CNR1: variants seen among roughly 807,000 people sequenced by gnomAD.
CNR1 encodes cannabinoid receptor 1, also known as cannabinoid receptor 1 (brain).
Under a neutral mutation model 23.0 loss-of-function variants are expected in CNR1, and 10 were observed. That is an observed-to-expected ratio of 0.43 (90% CI 0.27 to 0.74). The LOEUF (loss-of-function observed/expected upper bound fraction) is 0.74. Among genes scored for constraint, CNR1 ranks in the 30% least tolerant of loss-of-function variants. The pLI is 0.19. For missense variants in CNR1, 422 were observed against 618.8 expected, an observed-to-expected ratio of 0.68 and a Z score of 3.37; for synonymous variants, 271 against 255.2, an observed-to-expected ratio of 1.06 and a Z score of -0.59.
chr6:88,152,966 A>G (rs1777606944), intron 1 of CNR1, among the ~76,000 whole-genome samples: 1 of 152,204 alleles, frequency 6.6e-6, no homozygotes, highest in South Asian at 2.1e-4. Flanking sequence ...GGTTTTTATT[A>G]CAGTTATAGT....
At position 88,144,651 on chromosome 6, in the gene CNR1, G is replaced by T; in HGVS notation, c.624C>A (p.Phe208Leu). 1 of 1,614,238 alleles carries T rather than the reference G, an allele frequency of 6.2e-7. No individual in the cohort carries two copies. ...ASFTASVGSL[F>L]LTAIDRYISI... ...ATATGTACCTGTCGATGGCTGTGAG[G>T]AACAGGCTGCCCACGGAGGCAGTGA... The change falls in exon 2 of 2, where the codon TTC becomes TTA. Residue 208 changes from phenylalanine to leucine, a missense_variant. Physicochemically the swap from Phe to Leu is conservative, Grantham distance 22. This residue lies in a region of CNR1 where 211 missense variants were observed against 357.3 expected (regional missense o/e 0.59). Coordinates refer to ENST00000369501, the MANE Select transcript of CNR1 (RefSeq NM_016083.6). The surrounding 1 kb of genome is among the most constrained non-coding windows in gnomAD (Gnocchi z 7.8).
Position 88,145,248 on chromosome 6 carries a change from T to C in CNR1, c.27A>G (p.Ala9=). The C allele has an allele frequency of 6.2e-7, 1 of 1,613,148 alleles. No individual in the cohort carries two copies. Among genetic ancestry groups the C allele is most frequent in the Non-Finnish European group, 8.5e-7 (1 of 1,179,356 alleles). The change falls in exon 2 of 2, where the codon GCA becomes GCG. Residue 9 remains alanine (A), a synonymous_variant. Transcript: ENST00000369501. Reference sequence around the variant, plus strand: ...TGGTGATGGTGCGGAAGGTGGTATCTGCAAGGCCATCTAGGATCGACTTCA... The same window carrying C: ...TGGTGATGGTGCGGAAGGTGGTATCCGCAAGGCCATCTAGGATCGACTTCA... The part of the protein sequence containing the change: MKSILDGL[A]DTTFRTITTD...
At chr6:88,163,119 T>C (rs1395687752) in intron 1 of CNR1, 3 of 152,238 alleles carry the variant, frequency 2.0e-5, no homozygotes, top group Non-Finnish European at 4.4e-5. Flanking sequence ...TTTAATTCAC[T>C]GTATATTCTT....
At position 88,145,233 on chromosome 6, in the gene CNR1, G is replaced by A. The variant is rs1056591518; in HGVS notation, c.42C>T (p.Arg14=). 17 of 1,613,936 alleles carry A rather than the reference G, an allele frequency of 1.1e-5. No homozygotes were observed. Among genetic ancestry groups the A allele is most frequent in the East Asian group, 2.2e-5 (1 of 44,892 alleles). ...CGTACAGGAGGTCAGTGGTGATGGT[G>A]CGGAAGGTGGTATCTGCAAGGCCAT... ...ILDGLADTTF[R]TITTDLLYVG... The change falls in exon 2 of 2, where the codon CGC becomes CGT. Residue 14 remains arginine (R), a synonymous_variant. Transcript: ENST00000369501.
upstream of CNR1, among the ~76,000 whole-genome samples, chr6:88,166,854 C>G (rs1405093622): frequency 6.6e-6 from 1 of 151,940 alleles, no homozygotes; most frequent in African/African-American, 2.4e-5. Context: ...GGTGCGGTCT[C>G]GCGCCCCCTC....
At chr6:88,158,853 T>G (rs1777938168) in intron 1 of CNR1, among the ~76,000 whole-genome samples, 1 of 152,218 alleles carries the variant, frequency 6.6e-6, no homozygotes, top group South Asian at 2.1e-4. Context: ...CAGAAGATCT[T>G]TATAACTGAG....
intron 1 of CNR1, among the ~76,000 whole-genome samples, chr6:88,157,746 G>A (rs1030618495): frequency 3.9e-5 from 6 of 152,196 alleles, no homozygotes; most frequent in African/African-American, 1.2e-4. Flanking sequence ...AAAACATTCA[G>A]CTTTCCAATT....
chr6:88,154,567 A>G (rs1324168202), intron 1 of CNR1, among the ~76,000 whole-genome samples: 1 of 152,162 alleles, frequency 6.6e-6, no homozygotes, highest in African/African-American at 2.4e-5. Flanking sequence ...CTGGGTAAAG[A>G]AAGCAATTTT....
chr6:88,147,997 C>A (rs1777298229), intron 1 of CNR1, among the ~76,000 whole-genome samples: 1 of 152,192 alleles, frequency 6.6e-6, no homozygotes, highest in South Asian at 2.1e-4. Context: ...TATCTCCCAC[C>A]TGCAGGATGA....
At chr6:88,163,785 T>C (rs920737433) in intron 1 of CNR1, among the ~76,000 whole-genome samples, 1 of 152,234 alleles carries the variant, frequency 6.6e-6, no homozygotes, top group Admixed American at 6.5e-5. Flanking sequence ...CTTGGTAACA[T>C]TTAACAATTT....
Position 88,145,206 on chromosome 6 carries a change from C to T in CNR1, c.69G>A (p.Val23=). The T allele has an allele frequency of 1.2e-6, 2 of 1,614,082 alleles. No homozygotes were observed. The highest frequency in any genetic ancestry group is 1.7e-6 in the Non-Finnish European group (2 of 1,180,010). Residue 23 remains valine, a synonymous_variant, in exon 2 of 2, where the codon GTG becomes GTA. Coordinates refer to ENST00000369501, the MANE Select transcript of CNR1 (RefSeq NM_016083.6). The part of the protein sequence containing the change: ...FRTITTDLLY[V]GSNDIQYEDI... ...CTTCGTACTGAATGTCATTTGAGCC[C>T]ACGTACAGGAGGTCAGTGGTGATGG...
chr6:88,158,700 G>A (rs992935094), intron 1 of CNR1, among the ~76,000 whole-genome samples: 4 of 152,120 alleles, frequency 2.6e-5, no homozygotes, highest in African/African-American at 9.7e-5. Context: ...CATATGAAAA[G>A]GACTAAATGA....
At chr6:88,154,636 T>A (rs1276984130) in intron 1 of CNR1, among the ~76,000 whole-genome samples, 1 of 152,226 alleles carries the variant, frequency 6.6e-6, no homozygotes, top group Non-Finnish European at 1.5e-5. Flanking sequence ...TGGAGTGCAG[T>A]GGTGTGATCT....
At chr6:88,164,115 T>C (rs1320018221) in intron 1 of CNR1, 1 of 152,358 alleles carries the variant, frequency 6.6e-6, no homozygotes, top group African/African-American at 2.4e-5. Context: ...CTAATTTGCT[T>C]TCCTAACAAC....
chr6:88,161,339 G>A (rs1351704483), intron 1 of CNR1, among the ~76,000 whole-genome samples: 2 of 152,142 alleles, frequency 1.3e-5, no homozygotes, highest in African/African-American at 2.4e-5. Flanking sequence ...CGGGTTTTGG[G>A]AGTAAACAAT....
At chr6:88,158,519 G>C (rs1481318564) in intron 1 of CNR1, among the ~76,000 whole-genome samples, 1 of 152,170 alleles carries the variant, frequency 6.6e-6, no homozygotes, top group African/African-American at 2.4e-5. Context: ...CTCCCAACCA[G>C]AAGCATCAGC....
In CNR1 at chr6:88,143,689, C is replaced by A. The variant is rs1409788231; in HGVS notation, c.*167G>T. 1.6e-6 allele frequency: 1 copy of A among 622,602 alleles called. No homozygotes were observed. The highest frequency in any genetic ancestry group is 2.8e-6 in the Non-Finnish European group (1 of 354,318). The allele number at this position is 622,602 out of a possible 1,614,324, so 38.6% of individuals were successfully genotyped here. A position where few individuals can be genotyped will look rare whatever the true frequency, so the allele number is the denominator to read the frequency against. On this transcript the variant is annotated 3_prime_UTR_variant, in exon 2 of 2. Coordinates refer to ENST00000369501, the MANE Select transcript of CNR1 (RefSeq NM_016083.6). ...CCCCTGGAGAATGGAGTTTGAGTAC[C>A]TAAACTATGGAAACATTAGCAAACT...
At chr6:88,166,845 G>T (rs1004417154), upstream of CNR1, among the ~76,000 whole-genome samples, 7 of 152,000 alleles carry the variant, frequency 4.6e-5, no homozygotes, top group African/African-American at 1.7e-4. Context: ...GGGCCCGGGG[G>T]TGCGGTCTCG....
intron 1 of CNR1, among the ~76,000 whole-genome samples, chr6:88,154,030 CTTATA>C (rs1777667059): frequency 2.6e-5 from 4 of 152,176 alleles, no homozygotes; most frequent in Middle Eastern, 6.8e-3. Flanking sequence ...ATCTTTTTTC[CTTATA>C]TTAATGTCAG....
Sources: gnomAD v4.1 joint callset for allele counts (sites outside exome capture counted in the v4.1 genomes callset) on GRCh38, gnomAD v4.1.1 for gene constraint, gnomAD v4.1.1 regional missense constraint, Gnocchi (gnomAD v3.1) non-coding constraint, MANE v1.5 for transcripts, NCBI Gene and HGNC (gene_info 2026-07-23, HGNC 2026-07-21) for gene names.